Variants in TMEM132B observed in about 807,000 individuals in gnomAD.
TMEM132B encodes the protein transmembrane protein 132B.
A neutral mutation model predicts 90.8 loss-of-function variants in TMEM132B; 18 were observed. That is an observed-to-expected ratio of 0.20 (90% CI 0.14 to 0.29). The LOEUF (loss-of-function observed/expected upper bound fraction) is 0.29, where lower values mean the gene tolerates loss of function less well. Ranked by LOEUF, TMEM132B falls within the 10% of genes least tolerant of loss-of-function variation. TMEM132B has a pLI of 1.00. For missense variants in TMEM132B, 1,096 were observed against 1,326.8 expected, an observed-to-expected ratio of 0.83 and a Z score of 2.70; for synonymous variants, 504 against 523.3, an observed-to-expected ratio of 0.96 and a Z score of 0.50.
intron 2 of TMEM132B, among the ~76,000 whole-genome samples, chr12:125,411,365 T>TGG (rs59119498): frequency 8.4e-4 from 94 of 111,252 alleles, no homozygotes; most frequent in Middle Eastern, 8.3e-3. Context: ...TGTCAGAGGG[T>TGG]GGGGGGGGGC....
rs1887209365 is a variant in TMEM132B at position 125,661,701 on chromosome 12, G to T, written c.*6991G>T. The T allele has an allele frequency of 6.6e-6, 1 of 152,128 alleles. No homozygotes were observed. Among genetic ancestry groups the T allele is most frequent in the Non-Finnish European group, 1.5e-5 (1 of 68,026 alleles). 9.4% of individuals were successfully genotyped at this position (152,128 alleles called of 1,614,324 possible). A position where few individuals can be genotyped will look rare whatever the true frequency, so the allele number is the denominator to read the frequency against. On this transcript the variant is annotated 3_prime_UTR_variant, in exon 9 of 9. Coordinates refer to ENST00000682704, the MANE Select transcript of TMEM132B (RefSeq NM_001366854.1). The stretch of plus-strand genomic sequence containing the variant: ...GGTATTCCCCACACATTATTTGTGG[G>T]CATAAGCAAACACCATAACTATGAA...
chr12:125,562,608 C>G (rs941624551), intron 4 of TMEM132B, among the ~76,000 whole-genome samples: 2 of 152,166 alleles, frequency 1.3e-5, no homozygotes, highest in Non-Finnish European at 2.9e-5. Context: ...TTGGCTGTGT[C>G]CCCACCCAAA....
chr12:125,187,553 G>T (rs761597369), intron 1 of TMEM132B, among the ~76,000 whole-genome samples: 2 of 152,254 alleles, frequency 1.3e-5, no homozygotes, highest in Admixed American at 6.5e-5. Flanking sequence ...ACGCGCCGGG[G>T]AGCCTGGAAC....
At chr12:125,420,199 C>T (rs1037381722) in intron 3 of TMEM132B, among the ~76,000 whole-genome samples, 2 of 152,236 alleles carry the variant, frequency 1.3e-5, no homozygotes, top group Non-Finnish European at 2.9e-5. Flanking sequence ...TCAGTGGGGA[C>T]TCTGTGTGGG....
intron 4 of TMEM132B, among the ~76,000 whole-genome samples, chr12:125,572,036 A>C (rs1884810893): frequency 6.6e-6 from 1 of 152,224 alleles, no homozygotes; most frequent in Admixed American, 6.5e-5. Flanking sequence ...AGGCTGTGAC[A>C]TATTTGAAAT....
chr12:125,493,347 T>G (rs1453280276), intron 3 of TMEM132B, among the ~76,000 whole-genome samples: 1 of 152,196 alleles, frequency 6.6e-6, no homozygotes, highest in Non-Finnish European at 1.5e-5. Context: ...GGAATCTTCT[T>G]GTGGCCAACC....
chr12:125,388,752 G>T (rs944393109), intron 2 of TMEM132B, among the ~76,000 whole-genome samples: 1 of 152,216 alleles, frequency 6.6e-6, no homozygotes, highest in African/African-American at 2.4e-5. Context: ...AAGGTGAAAT[G>T]TCTGCCATCC....
At chr12:125,429,558 T>A (rs932847025) in intron 3 of TMEM132B, among the ~76,000 whole-genome samples, 5 of 152,128 alleles carry the variant, frequency 3.3e-5, no homozygotes, top group African/African-American at 1.2e-4. Context: ...TCATCGTGTC[T>A]CCTGAGGCTC....
At chr12:125,643,969 G>A (rs894451664) in intron 5 of TMEM132B, 107 bp from the exon 6 acceptor site, 2 of 955,490 alleles carry the variant, frequency 2.1e-6, no homozygotes, top group South Asian at 1.5e-5. Flanking sequence ...GGTTGTTTTG[G>A]TGTCTAATAA....
At chr12:125,644,860 A>G (rs1190223159) in intron 6 of TMEM132B, among the ~76,000 whole-genome samples, 1 of 152,122 alleles carries the variant, frequency 6.6e-6, no homozygotes, top group Non-Finnish European at 1.5e-5. Flanking sequence ...CAGTTTCCTC[A>G]TCTATCAATT....
At chr12:125,285,758 C>G (rs1875334067) in intron 1 of TMEM132B, among the ~76,000 whole-genome samples, 1 of 152,202 alleles carries the variant, frequency 6.6e-6, no homozygotes, top group South Asian at 2.1e-4. Flanking sequence ...CTGGCCGCTG[C>G]CCCATCATAC....
intron 5 of TMEM132B, among the ~76,000 whole-genome samples, chr12:125,598,675 A>G (rs7960687): frequency 0.57 from 87,258 of 152,104 alleles, 26,323 homozygotes; most frequent in African/African-American, 0.76. Flanking sequence ...CTTTCCTTTA[A>G]TAGGATGGAT....
chr12:125,330,314 T>C (rs7980603), intron 1 of TMEM132B, among the ~76,000 whole-genome samples: 4,664 of 147,814 alleles, frequency 0.032, 241 homozygotes, highest in African/African-American at 0.11. Context: ...AGAGTAGTCG[T>C]GCTTTGTTTA....
chr12:125,608,897 C>G (rs1211153451), intron 5 of TMEM132B, among the ~76,000 whole-genome samples: 1 of 152,018 alleles, frequency 6.6e-6, no homozygotes, highest in African/African-American at 2.4e-5. Context: ...TGTTCTCATG[C>G]TGCTATGAAG....
chr12:125,519,308 G>A (rs778457003), intron 3 of TMEM132B, 131 bp from the exon 4 acceptor site: 72 of 927,426 alleles, frequency 7.8e-5, no homozygotes, highest in Non-Finnish European at 1.1e-4. Context: ...CGACAACACT[G>A]CCGTGTGAGT....
chr12:125,351,193 G>T (rs1877567579), intron 2 of TMEM132B, among the ~76,000 whole-genome samples: 1 of 152,230 alleles, frequency 6.6e-6, no homozygotes, highest in African/African-American at 2.4e-5. Context: ...CTCTGGTGAT[G>T]TCTCAACTCT....
At chr12:125,337,494 G>T (rs1877007541) in intron 1 of TMEM132B, among the ~76,000 whole-genome samples, 1 of 152,172 alleles carries the variant, frequency 6.6e-6, no homozygotes, top group Non-Finnish European at 1.5e-5. Context: ...GCTTTAATGT[G>T]ATATGTGACA....
intron 2 of TMEM132B, among the ~76,000 whole-genome samples, chr12:125,377,092 C>T (rs1178286061): frequency 6.6e-6 from 1 of 152,226 alleles, no homozygotes; most frequent in Non-Finnish European, 1.5e-5. Flanking sequence ...TGCGTTTCCC[C>T]AGTGCTGCTG....
intron 1 of TMEM132B, among the ~76,000 whole-genome samples, chr12:125,279,038 G>C (rs938155631): frequency 6.6e-6 from 1 of 152,220 alleles, no homozygotes; most frequent in Non-Finnish European, 1.5e-5. Context: ...ACAGGAAGAA[G>C]TGCCATGCTG....
Sources: gnomAD v4.1 joint callset for allele counts (sites outside exome capture counted in the v4.1 genomes callset) on GRCh38, gnomAD v4.1.1 for gene constraint, MANE v1.5 for transcripts, NCBI Gene and HGNC (gene_info 2026-07-23, HGNC 2026-07-21) for gene names.